Variants in ADAM12 observed in about 807,000 individuals in gnomAD.
ADAM12 encodes ADAM metallopeptidase domain 12.
A neutral mutation model predicts 106.4 loss-of-function variants in ADAM12; 70 were observed. The observed-to-expected ratio is 0.66, with a 90% CI of 0.54 to 0.80. ADAM12 has a LOEUF of 0.80. Ranked by LOEUF, ADAM12 falls within the 30% of genes least tolerant of loss-of-function variation. The pLI, the probability that ADAM12 is intolerant of heterozygous loss-of-function variation, is 0.00. For missense variants in ADAM12, 1,010 were observed against 1,171.9 expected, an observed-to-expected ratio of 0.86 and a Z score of 2.02; for synonymous variants, 420 against 433.5, an observed-to-expected ratio of 0.97 and a Z score of 0.39.
chr10:126,134,420 T>C (rs1278328), intron 5 of ADAM12, among the ~76,000 whole-genome samples: 2 of 152,210 alleles, frequency 1.3e-5, no homozygotes, highest in Admixed American at 6.5e-5. Flanking sequence ...TGTGTTTACA[T>C]GCACAAGGGA....
At chr10:126,050,988 T>C (rs1400018099) in intron 14 of ADAM12, among the ~76,000 whole-genome samples, 3 of 152,226 alleles carry the variant, frequency 2.0e-5, no homozygotes, top group South Asian at 2.1e-4. Context: ...TCACATCACA[T>C]GCCCTTTCCT....
At chr10:126,113,553 G>A (rs1204928709) in intron 6 of ADAM12, among the ~76,000 whole-genome samples, 3 of 135,266 alleles carry the variant, frequency 2.2e-5, no homozygotes, top group Non-Finnish European at 4.5e-5. Flanking sequence ...CCAGCTACTC[G>A]GGAGGCTGAG....
chr10:126,062,714 G>A (rs767486757), intron 14 of ADAM12, among the ~76,000 whole-genome samples: 7 of 152,190 alleles, frequency 4.6e-5, no homozygotes, highest in Non-Finnish European at 8.8e-5. Flanking sequence ...CCAGCTGTTC[G>A]AATACGGCAG....
At chr10:126,311,129 A>G (rs1961075563) in intron 2 of ADAM12, among the ~76,000 whole-genome samples, 4 of 150,810 alleles carry the variant, frequency 2.7e-5, no homozygotes, top group African/African-American at 9.8e-5. Flanking sequence ...ACACACACAC[A>G]CACACACACC....
At position 126,015,728 on chromosome 10, in the gene ADAM12, A is replaced by AC. The variant is rs1953650314; in HGVS notation, c.*1550dup. The stretch of plus-strand genomic sequence containing the variant: ...GTTTCAAAGCATAGGAAAACTGTTG[A>AC]CCCCCAAAAGAAGGCTTTCTCATAA... On this transcript the variant is annotated 3_prime_UTR_variant, in exon 23 of 23. Coordinates refer to ENST00000448723, the MANE Select transcript of ADAM12 (RefSeq NM_001288973.2). The AC allele has an allele frequency of 1.3e-5, 2 of 152,164 alleles. No homozygotes were observed. Among genetic ancestry groups the AC allele is most frequent in the African/African-American group, 4.8e-5 (2 of 41,434 alleles). 9.4% of individuals were successfully genotyped at this position (152,164 alleles called of 1,614,324 possible). A position where few individuals can be genotyped will look rare whatever the true frequency, so the allele number is the denominator to read the frequency against.
chr10:126,040,824 C>T (rs955202794), intron 18 of ADAM12, among the ~76,000 whole-genome samples: 2 of 152,090 alleles, frequency 1.3e-5, no homozygotes, highest in Admixed American at 6.5e-5. Flanking sequence ...ACAGGGCCCC[C>T]ACACTGAACC....
At chr10:126,168,557 C>A (rs368891965) in intron 3 of ADAM12, among the ~76,000 whole-genome samples, 28 of 152,240 alleles carry the variant, frequency 1.8e-4, no homozygotes, top group East Asian at 1.7e-3. Flanking sequence ...TCTCACCTAC[C>A]ATTTCTCCGG....
intron 1 of ADAM12, 83 bp from the exon 2 acceptor site, chr10:126,330,592 G>A (rs770450280): frequency 1.1e-5 from 14 of 1,222,904 alleles, no homozygotes; most frequent in Non-Finnish European, 1.6e-5. Flanking sequence ...AAATGACACA[G>A]TGAAAATATT....
chr10:126,363,838 A>G (rs1855819771), intron 1 of ADAM12, among the ~76,000 whole-genome samples: 1 of 152,194 alleles, frequency 6.6e-6, no homozygotes. Flanking sequence ...GTTTTAAGCC[A>G]CTGAGTTTGT....
chr10:126,018,565 T>C (rs527427949), intron 22 of ADAM12, among the ~76,000 whole-genome samples: 1 of 152,328 alleles, frequency 6.6e-6, no homozygotes, highest in Admixed American at 6.5e-5. Context: ...TGAAGTGAGT[T>C]TTGAGCACTT....
chr10:126,132,401 A>C (rs1192691051), intron 5 of ADAM12, among the ~76,000 whole-genome samples: 2 of 152,106 alleles, frequency 1.3e-5, no homozygotes, highest in South Asian at 4.1e-4. Flanking sequence ...ACAATAGTAA[A>C]GTGTGGATTT....
chr10:126,366,315 C>T (rs1855908451), intron 1 of ADAM12, among the ~76,000 whole-genome samples: 1 of 152,126 alleles, frequency 6.6e-6, no homozygotes, highest in Non-Finnish European at 1.5e-5. Flanking sequence ...TATGAAAACA[C>T]TGCTTCCATA....
At chr10:126,374,183 G>T (rs1471772545) in intron 1 of ADAM12, among the ~76,000 whole-genome samples, 1 of 152,144 alleles carries the variant, frequency 6.6e-6, no homozygotes, top group Non-Finnish European at 1.5e-5. Flanking sequence ...CACAATAACT[G>T]GGCTTAGACA....
At chr10:126,209,752 T>G (rs1437264526) in intron 3 of ADAM12, among the ~76,000 whole-genome samples, 1 of 152,150 alleles carries the variant, frequency 6.6e-6, no homozygotes, top group Non-Finnish European at 1.5e-5. Context: ...CCACAGAGGA[T>G]CCAAGAAAAA....
intron 5 of ADAM12, among the ~76,000 whole-genome samples, chr10:126,123,484 C>A (rs935482629): frequency 6.6e-6 from 1 of 152,172 alleles, no homozygotes; most frequent in East Asian, 1.9e-4. Context: ...AGGAGGAGGC[C>A]GGCCCAGCCA....
intron 1 of ADAM12, among the ~76,000 whole-genome samples, chr10:126,379,861 C>T (rs1856429643): frequency 6.6e-6 from 1 of 152,052 alleles, no homozygotes; most frequent in Admixed American, 6.5e-5. Flanking sequence ...CATAGCAACA[C>T]ATAATACAAG....
chr10:126,280,236 T>C (rs546455262), intron 2 of ADAM12, among the ~76,000 whole-genome samples: 1 of 151,754 alleles, frequency 6.6e-6, no homozygotes, highest in Non-Finnish European at 1.5e-5. Flanking sequence ...GAAAAAAAAA[T>C]GAGTTAAGGC....
At chr10:126,349,352 C>A (rs1042379166) in intron 1 of ADAM12, among the ~76,000 whole-genome samples, 1 of 152,198 alleles carries the variant, frequency 6.6e-6, no homozygotes, top group South Asian at 2.1e-4. Flanking sequence ...AGCAGTCTAA[C>A]AAATATTTCA....
In ADAM12 at chr10:126,099,900, T is replaced by C. The variant is rs1220051816; in HGVS notation, c.911+1172A>G. 2.0e-5 allele frequency among the ~76,000 whole-genome samples: 3 copies of C among 152,202 alleles called. No homozygotes were observed. The East Asian group carries it at 5.8e-4, about 29-fold the overall frequency. On this transcript the variant is annotated intron_variant, in intron 9 of 22. Coordinates refer to ENST00000448723, the MANE Select transcript of ADAM12 (RefSeq NM_001288973.2). Reference sequence around the variant, plus strand: ...AAGCCACATGACAACAAAAGAATAATAGCACAAAGTATTTAAAGATTTAAA... The same window carrying C: ...AAGCCACATGACAACAAAAGAATAACAGCACAAAGTATTTAAAGATTTAAA...
Sources: allele counts gnomAD v4.1 joint callset (sites outside exome capture counted in the v4.1 genomes callset), GRCh38; gene constraint gnomAD v4.1.1; transcripts MANE v1.5; gene names NCBI Gene and HGNC (gene_info 2026-07-23, HGNC 2026-07-21).